Variants in ADGRB3 observed in about 807,000 individuals in gnomAD.
ADGRB3 encodes brain-specific angiogenesis inhibitor 3.
A neutral mutation model predicts 193.4 loss-of-function variants in ADGRB3; 37 were observed. The ratio of observed to expected loss-of-function variants is 0.19; its 90% confidence interval spans 0.15 to 0.25. The LOEUF is 0.25. Among genes scored for constraint, ADGRB3 ranks in the 10% least tolerant of loss-of-function variants. ADGRB3 has a pLI of 1.00. For synonymous variants in ADGRB3, 690 were observed against 644.2 expected (o/e 1.07, Z -1.08); for missense variants, 1,637 against 1,852.9 (o/e 0.88, Z 2.14).
intron 3 of ADGRB3, among the ~76,000 whole-genome samples, chr6:68,715,404 T>C (rs567191355): frequency 6.6e-6 from 1 of 151,788 alleles, no homozygotes; most frequent in South Asian, 2.1e-4. Flanking sequence ...ATATTTTCTG[T>C]TTGCTCCTCA....
At chr6:69,136,716 C>A (rs1192068143) in intron 17 of ADGRB3, among the ~76,000 whole-genome samples, 2 of 151,602 alleles carry the variant, frequency 1.3e-5, no homozygotes, top group Admixed American at 6.6e-5. Context: ...AGTTCCTTTG[C>A]TTTGAAACTT....
chr6:68,886,316 C>T (rs1765906582), intron 3 of ADGRB3, among the ~76,000 whole-genome samples: 1 of 152,054 alleles, frequency 6.6e-6, no homozygotes, highest in African/African-American at 2.4e-5. Flanking sequence ...GTATAGTACT[C>T]ATTACTTAGT....
At chr6:69,072,725 T>C (rs1280399310) in intron 16 of ADGRB3, among the ~76,000 whole-genome samples, 1 of 152,236 alleles carries the variant, frequency 6.6e-6, no homozygotes, top group Non-Finnish European at 1.5e-5. Flanking sequence ...TTGAAATGCA[T>C]ACTCCCATAC....
At chr6:69,059,890 T>C (rs1314587733) in intron 15 of ADGRB3, among the ~76,000 whole-genome samples, 1 of 152,152 alleles carries the variant, frequency 6.6e-6, no homozygotes, top group African/African-American at 2.4e-5. Context: ...TATTTGCTTA[T>C]TAAACAAAAC....
chr6:68,889,868 A>T (rs1378309849), intron 3 of ADGRB3, among the ~76,000 whole-genome samples: 2 of 152,164 alleles, frequency 1.3e-5, no homozygotes, highest in East Asian at 3.9e-4. Flanking sequence ...CATTTGCAAG[A>T]TTAACCAAAA....
chr6:68,647,820 G>T (rs779974795), intron 3 of ADGRB3, among the ~76,000 whole-genome samples: 15 of 152,126 alleles, frequency 9.9e-5, no homozygotes. Context: ...ATCTTGAAAT[G>T]CTAGTCCATA....
intron 21 of ADGRB3, among the ~76,000 whole-genome samples, chr6:69,326,728 A>G (rs1396464995): frequency 6.6e-6 from 1 of 151,840 alleles, no homozygotes; most frequent in Non-Finnish European, 1.5e-5. Flanking sequence ...TTTTTTTCCT[A>G]ATGAACTTGG....
At chr6:68,863,219 A>G (rs949416482) in intron 3 of ADGRB3, among the ~76,000 whole-genome samples, 1 of 152,006 alleles carries the variant, frequency 6.6e-6, no homozygotes, top group Non-Finnish European at 1.5e-5. Flanking sequence ...TTTGCCATCT[A>G]TTTGGATTTT....
intron 17 of ADGRB3, among the ~76,000 whole-genome samples, chr6:69,137,242 C>T (rs1258376002): frequency 1.3e-5 from 2 of 151,812 alleles, no homozygotes; most frequent in African/African-American, 4.8e-5. Context: ...GATTTACTCT[C>T]GAAAAACAGT....
At chr6:68,735,296 C>T (rs1765850031) in intron 3 of ADGRB3, among the ~76,000 whole-genome samples, 1 of 151,610 alleles carries the variant, frequency 6.6e-6, no homozygotes, top group South Asian at 2.1e-4. Flanking sequence ...ATATGTTTGC[C>T]TATTTTCTGA....
In ADGRB3 at chr6:69,364,579, A is replaced by C. The variant is rs542724601; in HGVS notation, c.4239+3067A>C. Among the ~76,000 whole-genome samples, 6 of 152,180 alleles carry C rather than the reference A, an allele frequency of 3.9e-5. No individual in the cohort carries two copies. In the East Asian group the frequency reaches 5.8e-4, roughly 15 times the overall value. On this transcript the variant is annotated intron_variant, in intron 29 of 31. Transcript: ENST00000370598. Reference sequence around the variant, plus strand: ...ACCTTGTTTCTTTCCTTCTGGTGATATGTTCTCTTTCTAACTGTAGTCATT... The same window carrying C: ...ACCTTGTTTCTTTCCTTCTGGTGATCTGTTCTCTTTCTAACTGTAGTCATT...
chr6:68,909,989 C>A (rs1242180993), intron 3 of ADGRB3, among the ~76,000 whole-genome samples: 5 of 152,224 alleles, frequency 3.3e-5, no homozygotes, highest in African/African-American at 4.8e-5. Context: ...ACGCTGTCTT[C>A]CACCATGGTT....
intron 17 of ADGRB3, among the ~76,000 whole-genome samples, chr6:69,186,178 CAAAAAAA>C (rs70987457): frequency 1.1e-3 from 121 of 107,446 alleles, no homozygotes; most frequent in Admixed American, 3.2e-3. Flanking sequence ...AATGAAATAG[CAAAAAAA>C]AAAAAAAAAA....
intron 3 of ADGRB3, among the ~76,000 whole-genome samples, chr6:68,695,056 A>G (rs182771464): frequency 1.9e-3 from 284 of 152,204 alleles, no homozygotes; most frequent in Middle Eastern, 6.8e-3. Context: ...ACATGTGGCA[A>G]CTGAGCACCT....
chr6:68,745,283 TG>T (rs1392711823), intron 3 of ADGRB3, among the ~76,000 whole-genome samples: 1 of 152,206 alleles, frequency 6.6e-6, no homozygotes, highest in Non-Finnish European at 1.5e-5. Flanking sequence ...AAGTAAATTC[TG>T]TCATAAGCAA....
At chr6:68,723,491 G>A (rs186738356) in intron 3 of ADGRB3, among the ~76,000 whole-genome samples, 2 of 151,796 alleles carry the variant, frequency 1.3e-5, no homozygotes, top group South Asian at 2.1e-4. Flanking sequence ...TATAATCCCT[G>A]AAGATGAGTG....
chr6:68,968,269 T>C (rs1404275701), intron 8 of ADGRB3, among the ~76,000 whole-genome samples: 1 of 152,144 alleles, frequency 6.6e-6, no homozygotes, highest in Non-Finnish European at 1.5e-5. Flanking sequence ...AGGTTTGCAA[T>C]GACCACATTT....
At chr6:69,090,261 C>T (rs1266416042) in intron 17 of ADGRB3, among the ~76,000 whole-genome samples, 1 of 152,144 alleles carries the variant, frequency 6.6e-6, no homozygotes, top group Non-Finnish European at 1.5e-5. Context: ...GAGGTCATCG[C>T]CTTCTTTAGT....
chr6:68,722,008 T>A (rs1765592365), intron 3 of ADGRB3, among the ~76,000 whole-genome samples: 1 of 151,748 alleles, frequency 6.6e-6, no homozygotes, highest in African/African-American at 2.4e-5. Context: ...TCTTCTTATA[T>A]ATATATTCTA....
Sources: allele counts gnomAD v4.1 joint callset (sites outside exome capture counted in the v4.1 genomes callset), GRCh38; gene constraint gnomAD v4.1.1; transcripts MANE v1.5; gene names NCBI Gene and HGNC (gene_info 2026-07-23, HGNC 2026-07-21).